Variants in KIAA0825 observed in about 807,000 individuals in gnomAD.
The protein encoded by KIAA0825 is uncharacterized protein KIAA0825.
In KIAA0825, 119 loss-of-function variants were observed where a neutral mutation model predicts 147.6. That is an observed-to-expected ratio of 0.81 (90% confidence interval 0.69 to 0.94). KIAA0825 has a LOEUF of 0.94. Ranked by LOEUF, KIAA0825 falls within the 40% of genes least tolerant of loss-of-function variation. KIAA0825 has a pLI of 0.00. For missense variants in KIAA0825, 1,381 were observed against 1,472.7 expected, an observed-to-expected ratio of 0.94 and a Z score of 1.02; for synonymous variants, 470 against 518.1, an observed-to-expected ratio of 0.91 and a Z score of 1.26.
At chr5:94,539,724 T>A (rs1055258689) in intron 2 of KIAA0825, among the ~76,000 whole-genome samples, 1 of 152,028 alleles carries the variant, frequency 6.6e-6, no homozygotes, top group East Asian at 1.9e-4. Context: ...TCCCTCTTAA[T>A]AAAAGGCAGG....
chr5:94,301,660 A>C (rs1778410164), intron 20 of KIAA0825, among the ~76,000 whole-genome samples: 1 of 152,144 alleles, frequency 6.6e-6, no homozygotes. Context: ...TTCTTCTGGC[A>C]GAAAATATCA....
At chr5:94,602,427 T>C (rs994909965) in intron 1 of KIAA0825, among the ~76,000 whole-genome samples, 1 of 151,950 alleles carries the variant, frequency 6.6e-6, no homozygotes, top group Non-Finnish European at 1.5e-5. Context: ...AAGGTGGAAA[T>C]GGAAGAAAAA....
chr5:94,472,733 G>GAC (rs1761380007), intron 8 of KIAA0825, among the ~76,000 whole-genome samples: 1 of 152,078 alleles, frequency 6.6e-6, no homozygotes, highest in Non-Finnish European at 1.5e-5. Flanking sequence ...GACAGAGTGA[G>GAC]GCCCCCGTCT....
At chr5:94,589,729 T>C (rs1200070646) in intron 1 of KIAA0825, among the ~76,000 whole-genome samples, 1 of 152,084 alleles carries the variant, frequency 6.6e-6, no homozygotes, top group East Asian at 1.9e-4. Context: ...GGTTGATGTG[T>C]TCATCCAGGA....
intron 20 of KIAA0825, among the ~76,000 whole-genome samples, chr5:94,306,503 G>C (rs993381677): frequency 2.6e-5 from 4 of 151,806 alleles, no homozygotes; most frequent in Non-Finnish European, 4.4e-5. Context: ...TGTCACATTA[G>C]AACTTTTGAT....
At chr5:94,596,330 G>C (rs1056133366) in intron 1 of KIAA0825, among the ~76,000 whole-genome samples, 1 of 152,066 alleles carries the variant, frequency 6.6e-6, no homozygotes, top group Non-Finnish European at 1.5e-5. Flanking sequence ...ACAATTTATT[G>C]AATAGGGGTC....
intron 20 of KIAA0825, among the ~76,000 whole-genome samples, chr5:94,301,117 C>A (rs1778378828): frequency 6.6e-6 from 1 of 152,210 alleles, no homozygotes; most frequent in East Asian, 1.9e-4. Flanking sequence ...TTTTAAATTG[C>A]TCTTTTAGAA....
chr5:94,315,202 A>C (rs1779536033), intron 20 of KIAA0825, among the ~76,000 whole-genome samples: 1 of 151,722 alleles, frequency 6.6e-6, no homozygotes, highest in African/African-American at 2.4e-5. Context: ...GCATGATGAC[A>C]TACAAATACT....
At chr5:94,411,934 G>T (rs1344647221) in intron 15 of KIAA0825, among the ~76,000 whole-genome samples, 1 of 143,656 alleles carries the variant, frequency 7.0e-6, no homozygotes, top group Non-Finnish European at 1.5e-5. Context: ...GCAACAGTGT[G>T]AGACTTCGTC....
chr5:94,170,707 A>C (rs1489062546), intron 20 of KIAA0825, among the ~76,000 whole-genome samples: 1 of 152,206 alleles, frequency 6.6e-6, no homozygotes, highest in Non-Finnish European at 1.5e-5. Flanking sequence ...CAAAGCTTAC[A>C]AAACACTACA....
intron 20 of KIAA0825, among the ~76,000 whole-genome samples, chr5:94,356,268 C>T (rs1312888907): frequency 6.6e-6 from 1 of 152,050 alleles, no homozygotes. Context: ...CAAGTTACTG[C>T]AGGAGTTACA....
intron 4 of KIAA0825, among the ~76,000 whole-genome samples, chr5:94,523,297 T>C (rs1768573890): frequency 6.6e-6 from 1 of 151,612 alleles, no homozygotes; most frequent in Non-Finnish European, 1.5e-5. Flanking sequence ...GGAATCTGTT[T>C]TTGCAAGCTA....
intron 12 of KIAA0825, among the ~76,000 whole-genome samples, chr5:94,460,294 C>A (rs188613460): frequency 2.6e-4 from 40 of 152,198 alleles, no homozygotes; most frequent in Non-Finnish European, 5.0e-4. Context: ...AGTTGAAGTA[C>A]TCCTTTTACA....
chr5:94,430,402 AAAATCATCCTCAC>A lies in KIAA0825; in HGVS notation c.2497+9567_2497+9579del, dbSNP rs774550169. Among the ~76,000 whole-genome samples, 279 of 152,352 alleles carry A rather than the reference AAAATCATCCTCAC, an allele frequency of 1.8e-3. 2 individuals carry two copies. The highest frequency in any genetic ancestry group is 6.0e-3 in the African/African-American group (251 of 41,582). The stretch of plus-strand genomic sequence containing the variant: ...AAGAATATTACTTCTTATTTCAAAA[AAAATCATCCTCAC>A]AAAGTCTCTTGTTTTTATTTTAGAA... On this transcript the variant is annotated intron_variant, in intron 14 of 20. Coordinates refer to ENST00000682413, the MANE Select transcript of KIAA0825 (RefSeq NM_001145678.3).
intron 20 of KIAA0825, among the ~76,000 whole-genome samples, chr5:94,318,258 A>G (rs1185046716): frequency 6.6e-6 from 1 of 151,900 alleles, no homozygotes; most frequent in Non-Finnish European, 1.5e-5. Context: ...TAGATTATAT[A>G]TAAGCATTTA....
intron 20 of KIAA0825, among the ~76,000 whole-genome samples, chr5:94,346,682 C>G (rs1385046921): frequency 1.3e-5 from 2 of 152,184 alleles, no homozygotes; most frequent in Non-Finnish European, 2.9e-5. Context: ...CTTGTTGGGT[C>G]CCCTAGCGGG....
In KIAA0825 at chr5:94,395,955, CTT is replaced by C. The variant is rs989654693; in HGVS notation, c.3296+144_3296+145del. ...CAACAATCCAATTTTTAATGGGATA[CTT>C]ATCTTTTTTTATATTCATCAAAGCT... On this transcript the variant is annotated intron_variant, in intron 17 of 20. Coordinates refer to ENST00000682413, the MANE Select transcript of KIAA0825 (RefSeq NM_001145678.3). 3.0e-5 allele frequency: 21 copies of C among 703,026 alleles called. No individual in the cohort carries two copies. The African/African-American group carries it at 3.1e-4, about 10-fold the overall frequency. 43.5% of individuals were successfully genotyped at this position (703,026 alleles called of 1,614,324 possible).
chr5:94,518,418 C>T (rs1342702210), intron 5 of KIAA0825, among the ~76,000 whole-genome samples: 1 of 152,068 alleles, frequency 6.6e-6, no homozygotes, highest in Admixed American at 6.6e-5. Flanking sequence ...GCAGACAGCC[C>T]ACTTGAACAG....
At chr5:94,531,738 T>C (rs562828614) in intron 3 of KIAA0825, among the ~76,000 whole-genome samples, 5 of 152,308 alleles carry the variant, frequency 3.3e-5, no homozygotes, top group African/African-American at 1.2e-4. Context: ...AGATGTAGTA[T>C]ATAATGAAGA....
Sources: allele counts gnomAD v4.1 joint callset (sites outside exome capture counted in the v4.1 genomes callset), GRCh38; gene constraint gnomAD v4.1.1; transcripts MANE v1.5; gene names NCBI Gene and HGNC (gene_info 2026-07-23, HGNC 2026-07-21).